Variants in LRRC4C observed in about 807,000 individuals in gnomAD.
LRRC4C encodes leucine rich repeat containing 4C, also known as leucine-rich repeat-containing protein 4C.
In LRRC4C, 5 loss-of-function variants were observed where a neutral mutation model predicts 33.6. The observed-to-expected ratio is 0.15, with a 90% CI of 0.08 to 0.31. The LOEUF (loss-of-function observed/expected upper bound fraction) is 0.31, where lower values mean the gene tolerates loss of function less well. Among genes scored for constraint, LRRC4C ranks in the 10% least tolerant of loss-of-function variants. LRRC4C has a pLI of 1.00. For synonymous variants in LRRC4C, 329 were observed against 302.0 expected (o/e 1.09, Z -0.93); for missense variants, 560 against 796.7 (o/e 0.70, Z 3.58).
chr11:40,554,708 G>T (rs977778949), intron 3 of LRRC4C, among the ~76,000 whole-genome samples: 1 of 144,170 alleles, frequency 6.9e-6, no homozygotes, highest in Non-Finnish European at 1.5e-5. Context: ...TACTTTTTGT[G>T]TATGGCTACT....
At chr11:40,560,483 A>G (rs1001300680) in intron 3 of LRRC4C, among the ~76,000 whole-genome samples, 1 of 151,514 alleles carries the variant, frequency 6.6e-6, no homozygotes, top group Non-Finnish European at 1.5e-5. Flanking sequence ...CTGTATTCTA[A>G]GACCCAGTGA....
chr11:40,998,199 T>C (rs927109893), intron 1 of LRRC4C, among the ~76,000 whole-genome samples: 2 of 151,928 alleles, frequency 1.3e-5, no homozygotes, highest in East Asian at 1.9e-4. Flanking sequence ...TAAACAAATA[T>C]GTATATATTT....
chr11:40,700,261 T>C (rs1945803085), intron 2 of LRRC4C, among the ~76,000 whole-genome samples: 1 of 152,142 alleles, frequency 6.6e-6, no homozygotes, highest in Non-Finnish European at 1.5e-5. Flanking sequence ...GGATATTTCA[T>C]GGTTGGGAAA....
chr11:40,755,092 T>A (rs1482610258), intron 2 of LRRC4C, among the ~76,000 whole-genome samples: 1 of 152,090 alleles, frequency 6.6e-6, no homozygotes, highest in Non-Finnish European at 1.5e-5. Flanking sequence ...ATCTATTGAG[T>A]TTGCATGATA....
chr11:41,158,536 G>A (rs1465762551), intron 1 of LRRC4C, among the ~76,000 whole-genome samples: 2 of 152,030 alleles, frequency 1.3e-5, no homozygotes, highest in African/African-American at 2.4e-5. Context: ...CTCAGCCACC[G>A]CTCCTTCTTC....
At chr11:41,131,046 A>G (rs1282169508) in intron 1 of LRRC4C, among the ~76,000 whole-genome samples, 1 of 152,086 alleles carries the variant, frequency 6.6e-6, no homozygotes, top group Non-Finnish European at 1.5e-5. Flanking sequence ...AAACAAAAGC[A>G]AATTATTTTA....
intron 2 of LRRC4C, among the ~76,000 whole-genome samples, chr11:40,739,463 T>C (rs1474914639): frequency 6.7e-6 from 1 of 149,902 alleles, no homozygotes; most frequent in Non-Finnish European, 1.5e-5. Context: ...CACACATATA[T>C]AAAAATCAAC....
At chr11:40,836,984 A>G (rs1952701008) in intron 2 of LRRC4C, among the ~76,000 whole-genome samples, 1 of 152,174 alleles carries the variant, frequency 6.6e-6, no homozygotes, top group African/African-American at 2.4e-5. Flanking sequence ...CATGGCCTGT[A>G]ATAAATCTCT....
intron 1 of LRRC4C, among the ~76,000 whole-genome samples, chr11:41,149,879 A>C (rs188692565): frequency 6.6e-6 from 1 of 152,282 alleles, no homozygotes; most frequent in Admixed American, 6.5e-5. Context: ...AAATCATAAA[A>C]TTTGCTATTT....
chr11:40,538,529 T>C lies in LRRC4C; in HGVS notation c.-270+109613A>G, dbSNP rs866993653. 4.6e-5 allele frequency among the ~76,000 whole-genome samples: 7 copies of C among 152,316 alleles called. 1 individual carries two copies. The Middle Eastern group carries it at 0.01, about 222-fold the overall frequency. On this transcript the variant is annotated intron_variant, in intron 3 of 6. Transcript: ENST00000528697. ...TGCCACATTTTCTTAATCCAGTCTA[T>C]CATTGATGGACATTTGGGTTGGTTC...
chr11:41,329,633 G>T (rs78401866), intron 1 of LRRC4C, among the ~76,000 whole-genome samples: 1 of 152,026 alleles, frequency 6.6e-6, no homozygotes, highest in Non-Finnish European at 1.5e-5. Context: ...TACTCCTTGC[G>T]ATTTCTTTTC....
intron 2 of LRRC4C, among the ~76,000 whole-genome samples, chr11:40,844,297 T>C (rs1402864105): frequency 6.6e-6 from 1 of 152,126 alleles, no homozygotes; most frequent in Non-Finnish European, 1.5e-5. Flanking sequence ...TATTTATTTG[T>C]TAAATCTTAA....
rs905059646 is a variant in LRRC4C, at chr11:40,614,389, T to C, written c.-270+33753A>G. ...CACCTCTGCTAGCTTCAAACTTTTC[T>C]CCTGATGCTTCCTCACCTTTCTAAT... On this transcript the variant is annotated intron_variant, in intron 3 of 6. Transcript: ENST00000528697. Among the ~76,000 whole-genome samples, 6 of 148,928 alleles carry C rather than the reference T, an allele frequency of 4.0e-5. No homozygotes were observed. In the East Asian group the frequency reaches 1.2e-3, roughly 29 times the overall value.
chr11:40,971,324 G>T (rs887354347), intron 1 of LRRC4C, among the ~76,000 whole-genome samples: 1 of 152,178 alleles, frequency 6.6e-6, no homozygotes, highest in Admixed American at 6.5e-5. Context: ...CTGCATTCTA[G>T]CCACTCCAGC....
chr11:41,170,816 C>T (rs550876709), intron 1 of LRRC4C, among the ~76,000 whole-genome samples: 25 of 152,240 alleles, frequency 1.6e-4, no homozygotes, highest in Middle Eastern at 3.4e-3. Context: ...AGTGAACAGG[C>T]AACCTACAGA....
rs115468760 is a variant in LRRC4C at position 40,316,901 on chromosome 11, T to A, written c.-176+2727A>T. Among the ~76,000 whole-genome samples, 637 of 148,102 alleles carry A rather than the reference T, an allele frequency of 4.3e-3. 10 individuals are homozygous for A. The highest frequency in any genetic ancestry group is 0.015 in the African/African-American group (605 of 39,928). On this transcript the variant is annotated intron_variant, in intron 4 of 6. Coordinates refer to ENST00000528697, the MANE Select transcript of LRRC4C (RefSeq NM_001258419.2). ...GAGATCTATATAGGGTTCTCTTAAGTTACCAGGTTTTTTAAAAAAATTTAG... is the reference window on the plus strand; with the variant it reads ...GAGATCTATATAGGGTTCTCTTAAGATACCAGGTTTTTTAAAAAAATTTAG...
chr11:40,793,574 C>G (rs1950711127), intron 2 of LRRC4C, among the ~76,000 whole-genome samples: 1 of 152,158 alleles, frequency 6.6e-6, no homozygotes, highest in Non-Finnish European at 1.5e-5. Context: ...GCCAGTACTA[C>G]TTTGACTCTT....
intron 2 of LRRC4C, among the ~76,000 whole-genome samples, chr11:40,731,870 T>A (rs1947601516): frequency 1.3e-5 from 2 of 152,220 alleles, no homozygotes; most frequent in East Asian, 3.9e-4. Context: ...ACTCTATGAA[T>A]GGAGTCTTCT....
chr11:40,618,538 A>G (rs1023749423), intron 3 of LRRC4C, among the ~76,000 whole-genome samples: 1 of 151,766 alleles, frequency 6.6e-6, no homozygotes, highest in Admixed American at 6.6e-5. Flanking sequence ...TATACTATGC[A>G]ATCGTGCAAT....
Sources: gnomAD v4.1 joint callset for allele counts (sites outside exome capture counted in the v4.1 genomes callset) on GRCh38, gnomAD v4.1.1 for gene constraint, MANE v1.5 for transcripts, NCBI Gene and HGNC (gene_info 2026-07-23, HGNC 2026-07-21) for gene names.